Variants in DHX37 observed in about 807,000 individuals in gnomAD.
The protein encoded by DHX37 is probable ATP-dependent RNA helicase DHX37.
Under a neutral mutation model 134.3 loss-of-function variants are expected in DHX37, and 52 were observed. The ratio of observed to expected loss-of-function variants is 0.39; its 90% CI spans 0.31 to 0.49. DHX37 has a LOEUF of 0.49. Among genes scored for constraint, DHX37 ranks in the 20% least tolerant of loss-of-function variants. The pLI is 0.93. For synonymous variants in DHX37, 634 were observed against 670.7 expected (o/e 0.95, Z 0.85); for missense variants, 1,344 against 1,580.8 (o/e 0.85, Z 2.54).
Position 124,988,308 on chromosome 12 carries a change from A to G in DHX37, c.106+609T>C, listed in dbSNP as rs561777999. 1.5e-3 allele frequency among the ~76,000 whole-genome samples: 228 copies of G among 152,210 alleles called. 1 individual carries two copies. Among genetic ancestry groups the G allele is most frequent in the Middle Eastern group, 3.4e-3 (1 of 294 alleles). On this transcript the variant is annotated intron_variant, in intron 1 of 26. Coordinates refer to ENST00000308736, the MANE Select transcript of DHX37 (RefSeq NM_032656.4). ...CAGGTCTCCTTCAGATCTTGACTCT[A>G]ACAGAGTGATGTCTTCTCCAGCAAC...
chr12:124,958,750 C>T (rs557714621), intron 16 of DHX37, among the ~76,000 whole-genome samples: 8 of 151,904 alleles, frequency 5.3e-5, no homozygotes, highest in East Asian at 1.9e-4. Context: ...CTCAGCCTCC[C>T]GAGTAGCTGG....
At chr12:124,959,662 T>A (rs1046741653) in intron 16 of DHX37, among the ~76,000 whole-genome samples, 1 of 152,184 alleles carries the variant, frequency 6.6e-6, no homozygotes, top group African/African-American at 2.4e-5. Flanking sequence ...AGGTCACAAA[T>A]GGCGGACAGT....
At chr12:124,985,697 C>T (rs923397949) in intron 2 of DHX37, among the ~76,000 whole-genome samples, 3 of 148,658 alleles carry the variant, frequency 2.0e-5, no homozygotes, top group African/African-American at 7.5e-5. Flanking sequence ...CATTTCACTG[C>T]ACTCCAGCCT....
intron 15 of DHX37, among the ~76,000 whole-genome samples, chr12:124,961,547 G>C (rs1954265455): frequency 6.6e-6 from 1 of 152,146 alleles, no homozygotes; most frequent in African/African-American, 2.4e-5. Context: ...TCCTGCCTCA[G>C]CCTCCCAAGT....
At position 124,966,805 on chromosome 12, in the gene DHX37, C is replaced by T; in HGVS notation, c.1578G>A (p.Lys526=). 1 of 1,614,254 alleles carries T rather than the reference C, an allele frequency of 6.2e-7. No homozygotes were observed. Among genetic ancestry groups the T allele is most frequent in the Non-Finnish European group, 8.5e-7 (1 of 1,180,042 alleles). The change falls in exon 12 of 27, where the codon AAG becomes AAA. Residue 526 remains lysine, a synonymous_variant. Coordinates refer to ENST00000308736, the MANE Select transcript of DHX37 (RefSeq NM_032656.4). ...GCCCCCCACGTACCTCAGCCCGCGC[C>T]TTCTTGGCCCTGGCCCTTGACTTCT... ...KFKKSRARAK[K]ARAEVLPQIN...
At chr12:124,987,433 T>C (rs11057953) in intron 1 of DHX37, among the ~76,000 whole-genome samples, 7,792 of 152,238 alleles carry the variant, frequency 0.051, 509 homozygotes, top group East Asian at 0.17. Context: ...CATGGAAATG[T>C]CCTGTTCTGA....
At chr12:124,960,937 G>C (rs1351861106) in intron 15 of DHX37, among the ~76,000 whole-genome samples, 2 of 152,250 alleles carry the variant, frequency 1.3e-5, no homozygotes, top group African/African-American at 4.8e-5. Context: ...CTGGGCGACA[G>C]AGCGAGACTC....
chr12:124,947,548 T>C lies in DHX37; in HGVS notation c.*254A>G. On this transcript the variant is annotated 3_prime_UTR_variant, in exon 27 of 27. Transcript: ENST00000308736. ...AAAGAGCACACTGAACAGAACAGCG[T>C]CCAGCACGTGAGATGAAATCATCAT... 2.1e-6 allele frequency: 1 copy of C among 484,600 alleles called. No individual in the cohort carries two copies. Among genetic ancestry groups the C allele is most frequent in the Non-Finnish European group, 3.7e-6 (1 of 273,304 alleles). The allele number at this position is 484,600 out of a possible 1,614,324, so 30.0% of individuals were successfully genotyped here.
At chr12:124,953,774 T>C in intron 20 of DHX37, 106 bp downstream of exon 20, 1 of 1,482,948 alleles carries the variant, frequency 6.7e-7, no homozygotes, top group East Asian at 2.4e-5. Context: ...TTTTGGTGCG[T>C]AGCAAGTTTG....
At chr12:124,959,138 A>G (rs1954171640) in intron 16 of DHX37, among the ~76,000 whole-genome samples, 1 of 149,956 alleles carries the variant, frequency 6.7e-6, no homozygotes. Flanking sequence ...CAATGGCACA[A>G]TCTCGGCCCA....
At chr12:124,961,002 G>A (rs1234988840) in intron 15 of DHX37, among the ~76,000 whole-genome samples, 3 of 152,224 alleles carry the variant, frequency 2.0e-5, no homozygotes, top group Non-Finnish European at 4.4e-5. Flanking sequence ...TAAAACAGGG[G>A]ATGGTGCATA....
At position 124,947,891 on chromosome 12, in the gene DHX37, CA is replaced by C; in HGVS notation, c.3389-5del. 1 of 1,609,874 alleles carries C rather than the reference CA, an allele frequency of 6.2e-7. No homozygotes were observed. The highest frequency in any genetic ancestry group is 8.5e-7 in the Non-Finnish European group (1 of 1,177,584). On this transcript the variant is annotated splice_polypyrimidine_tract_variant and splice_region_variant and intron_variant, in intron 26 of 26. Transcript: ENST00000308736. ...TCACAGTACTCAGCCAGCAGGTCTG[CA>C]GGGGAGGGAAGGAGGACAGTGTCAG...
intron 20 of DHX37, chr12:124,953,143 G>A (rs11832976): frequency 0.081 from 12,306 of 152,534 alleles, 980 homozygotes; most frequent in African/African-American, 0.21. Flanking sequence ...CCAAGCCACT[G>A]TAACCAGCAC....
chr12:124,967,235 C>T lies in DHX37; in HGVS notation c.1409-17G>A, dbSNP rs772891536. 2.9e-5 allele frequency: 47 copies of T among 1,611,882 alleles called. No homozygotes were observed. The highest frequency in any genetic ancestry group is 1.6e-4 in the Middle Eastern group (1 of 6,078). ...GGATGCCACCTGTGGAAAGAATGGG[C>T]CCCTCTGTTATCCATCAGTCACTCA... On this transcript the variant is annotated splice_polypyrimidine_tract_variant and intron_variant, in intron 10 of 26. Transcript: ENST00000308736.
intron 10 of DHX37, 115 bp from the exon 11 acceptor site, chr12:124,967,333 G>T (rs1464785164): frequency 2.6e-6 from 3 of 1,150,942 alleles, no homozygotes; most frequent in East Asian, 5.1e-5. Context: ...AATGGGGGAG[G>T]ACAGGAGTAC....
At chr12:124,948,352 A>AAGT in intron 25 of DHX37, 171 bp from the exon 26 acceptor site, 1 of 1,213,856 alleles carries the variant, frequency 8.2e-7, no homozygotes, top group East Asian at 2.6e-5. Context: ...CAGGGGGCTG[A>AAGT]AGTAGGAGGA....
intron 5 of DHX37, among the ~76,000 whole-genome samples, chr12:124,976,516 A>G (rs1218428886): frequency 6.6e-6 from 1 of 152,058 alleles, no homozygotes; most frequent in Non-Finnish European, 1.5e-5. Flanking sequence ...GTTCAAGACC[A>G]GCCTGACCAA....
intron 21 of DHX37, among the ~76,000 whole-genome samples, chr12:124,951,446 T>C (rs1441362259): frequency 6.6e-6 from 1 of 152,178 alleles, no homozygotes; most frequent in Non-Finnish European, 1.5e-5. Context: ...AGCAGGATCA[T>C]GAAAACGGGG....
intron 16 of DHX37, 152 bp downstream of exon 16, chr12:124,960,160 C>T (rs1374923577): frequency 7.4e-7 from 1 of 1,349,252 alleles, no homozygotes; most frequent in Non-Finnish European, 1.0e-6. Flanking sequence ...TCACAGGAGC[C>T]CAGAAGCCCT....
Sources: gnomAD v4.1 joint callset for allele counts (sites outside exome capture counted in the v4.1 genomes callset) on GRCh38, gnomAD v4.1.1 for gene constraint, MANE v1.5 for transcripts, NCBI Gene and HGNC (gene_info 2026-07-23, HGNC 2026-07-21) for gene names.